Variants in AOX1 observed in about 807,000 individuals in gnomAD.
The protein encoded by AOX1 is aldehyde oxidase.
In AOX1, 153 loss-of-function variants were observed where a neutral mutation model predicts 169.5. That is an observed-to-expected ratio of 0.90 (90% CI 0.79 to 1.03). The LOEUF (loss-of-function observed/expected upper bound fraction) is 1.03. AOX1 is among the 50% of genes least tolerant of loss of function. AOX1 has a pLI of 0.00. For missense variants in AOX1, 1,656 were observed against 1,663.9 expected (o/e 1.00, Z 0.08); for synonymous variants, 562 against 581.9 (o/e 0.97, Z 0.49).
intron 18 of AOX1, among the ~76,000 whole-genome samples, chr2:200,622,857 G>A (rs1574930536): frequency 6.6e-6 from 1 of 152,198 alleles, no homozygotes; most frequent in African/African-American, 2.4e-5. Context: ...TGTAGAAATT[G>A]TAAGCATACA....
rs142194642 is a variant in AOX1 at position 200,627,415 on chromosome 2, C to G, written c.2187C>G (p.Asp729Glu). 1 of 1,613,528 alleles carries G rather than the reference C, an allele frequency of 6.2e-7. No homozygotes were observed. Among genetic ancestry groups the G allele is most frequent in the East Asian group, 2.2e-5 (1 of 44,878 alleles). ...GGAAACTGGAATATGGAAATGTTGACGAAGCATTTAAAGTGGTTGATCAAA... is the reference window on the plus strand; with the variant it reads ...GGAAACTGGAATATGGAAATGTTGAGGAAGCATTTAAAGTGGTTGATCAAA... Reference protein sequence around the residue: ...PERKLEYGNVDEAFKVVDQIL... With the variant: ...PERKLEYGNVEEAFKVVDQIL... The change falls in exon 20 of 35, where the codon GAC becomes GAG. Residue 729 changes from aspartate (D) to glutamate (E), a missense_variant. Transcript: ENST00000374700.
rs748141751 is a variant in AOX1 at position 200,617,936 on chromosome 2, T to C, written c.1704+1873T>C. Among the ~76,000 whole-genome samples, 67 of 152,126 alleles carry C rather than the reference T, an allele frequency of 4.4e-4. 1 individual carries two copies. The highest frequency in any genetic ancestry group is 4.8e-5 in the African/African-American group (2 of 41,436). The stretch of plus-strand genomic sequence containing the variant: ...CCTCATTGTTGGTTTTTCCTTTTCA[T>C]CACTATCTCAGCTCCTCGAAGCAGA... On this transcript the variant is annotated intron_variant, in intron 16 of 34. Transcript: ENST00000374700.
Position 200,599,765 on chromosome 2 carries a change from CTTTTAT to C in AOX1, c.436+24_436+29del. On this transcript the variant is annotated intron_variant, in intron 5 of 34. Transcript: ENST00000374700. ...CTTGGTGGTAGGTTATATATGCATG[CTTTTAT>C]TTTTTAATTTTTATTTATTTATTTA... 1.4e-6 allele frequency: 2 copies of C among 1,456,684 alleles called. No individual in the cohort carries two copies. The highest frequency in any genetic ancestry group is 5.1e-5 in the East Asian group (2 of 38,952). 90.2% of individuals were successfully genotyped at this position (1,456,684 alleles called of 1,614,324 possible).
intron 1 of AOX1, among the ~76,000 whole-genome samples, chr2:200,588,680 C>G (rs2034090778): frequency 7.5e-6 from 1 of 134,044 alleles, no homozygotes; most frequent in African/African-American, 2.8e-5. Context: ...TGCTTCGGTA[C>G]TTAATAAACA....
chr2:200,638,406 G>A (rs2035285008), intron 23 of AOX1, 104 bp downstream of exon 23: 1 of 974,974 alleles, frequency 1.0e-6, no homozygotes, highest in Admixed American at 2.0e-5. Context: ...GTAACAATGA[G>A]CAAATCAAAA....
Position 200,599,712 on chromosome 2 carries a change from G to A in AOX1, c.402G>A (p.Glu134=), listed in dbSNP as rs1559232049. 1.2e-6 allele frequency: 2 copies of A among 1,609,910 alleles called. No individual in the cohort carries two copies. Among genetic ancestry groups the A allele is most frequent in the South Asian group, 1.1e-5 (1 of 90,668 alleles). The stretch of plus-strand genomic sequence containing the variant: ...ACACGCTGCTCAGGAACCACCCAGA[G>A]CCCACTCTGGATCAGTTAACTGATG... ...SIYTLLRNHP[E]PTLDQLTDAL... Residue 134 remains glutamate (E), a synonymous_variant, in exon 5 of 35, where the codon GAG becomes GAA. Coordinates refer to ENST00000374700, the MANE Select transcript of AOX1 (RefSeq NM_001159.4).
At chr2:200,618,005 G>A (rs762715643) in intron 16 of AOX1, among the ~76,000 whole-genome samples, 3 of 152,160 alleles carry the variant, frequency 2.0e-5, no homozygotes, top group Non-Finnish European at 4.4e-5. Context: ...CATGGGGACA[G>A]GGCAGTGTGA....
chr2:200,676,966 G>A (rs558974095), exon 5 of AOX1: 8 of 469,904 alleles, frequency 1.7e-5, no homozygotes, highest in South Asian at 7.8e-5. Flanking sequence ...GTGGCATAAT[G>A]TCACATTCCA....
intron 1 of AOX1, among the ~76,000 whole-genome samples, chr2:200,592,184 T>C (rs1331249464): frequency 6.6e-6 from 1 of 152,086 alleles, no homozygotes; most frequent in Non-Finnish European, 1.5e-5. Context: ...CAGACACACA[T>C]GCACCAATCT....
chr2:200,644,274 A>C (rs1319162016), intron 25 of AOX1, among the ~76,000 whole-genome samples: 3 of 152,184 alleles, frequency 2.0e-5, no homozygotes, highest in Non-Finnish European at 2.9e-5. Context: ...TTTCATTCTC[A>C]TTACATGTGG....
intron 25 of AOX1, among the ~76,000 whole-genome samples, chr2:200,649,956 A>G (rs907106450): frequency 6.6e-6 from 1 of 152,140 alleles, no homozygotes; most frequent in African/African-American, 2.4e-5. Flanking sequence ...CAGTCCTTGG[A>G]CCTTCAGCGG....
At chr2:200,604,124 C>G (rs1241610199) in intron 8 of AOX1, 27 bp downstream of exon 8, 1 of 1,499,604 alleles carries the variant, frequency 6.7e-7, no homozygotes, top group Non-Finnish European at 9.3e-7. Context: ...TGAGCTCATC[C>G]TAGAAGAATT....
chr2:200,681,370 T>C (rs2036151278), downstream of AOX1: 1 of 152,694 alleles, frequency 6.5e-6, no homozygotes, highest in South Asian at 2.1e-4. Flanking sequence ...TACGAAGGAA[T>C]TGCTAAAGCC....
chr2:200,605,689 C>A, intron 10 of AOX1, 61 bp downstream of exon 10: 1 of 740,300 alleles, frequency 1.4e-6, no homozygotes, highest in Non-Finnish European at 2.1e-6. Context: ...TTTACCTTGC[C>A]CAGCAGACAA....
chr2:200,652,958 T>C (rs565809634), intron 26 of AOX1, among the ~76,000 whole-genome samples: 1 of 152,282 alleles, frequency 6.6e-6, no homozygotes, highest in African/African-American at 2.4e-5. Flanking sequence ...TTGTAAGTAC[T>C]TTTAGGTATT....
chr2:200,592,059 G>C (rs779317895), intron 1 of AOX1, among the ~76,000 whole-genome samples: 32 of 152,120 alleles, frequency 2.1e-4, no homozygotes, highest in Non-Finnish European at 4.0e-4. Flanking sequence ...GGAAAAGAAG[G>C]GAAGGAGTAA....
At chr2:200,630,417 G>T (rs959746815) in intron 20 of AOX1, among the ~76,000 whole-genome samples, 1 of 151,822 alleles carries the variant, frequency 6.6e-6, no homozygotes, top group Non-Finnish European at 1.5e-5. Flanking sequence ...CAGCTACTCG[G>T]AAGGCTGAGG....
At position 200,586,075 on chromosome 2, in the gene AOX1, C is replaced by A. The variant is rs947092611; in HGVS notation, c.-34C>A. 2 of 1,548,734 alleles carry A rather than the reference C, an allele frequency of 1.3e-6. No individual in the cohort carries two copies. The highest frequency in any genetic ancestry group is 2.4e-5 in the East Asian group (1 of 40,980). Reference sequence around the variant, plus strand: ...GCTACTTCCCAGAACCTCCGCCTCCCGCTCCGGGCCCTCGAACCAGCGCGG... The same window carrying A: ...GCTACTTCCCAGAACCTCCGCCTCCAGCTCCGGGCCCTCGAACCAGCGCGG... On this transcript the variant is annotated 5_prime_UTR_variant, in exon 1 of 35. Transcript: ENST00000374700.
chr2:200,647,162 G>A (rs1473290261), intron 25 of AOX1, among the ~76,000 whole-genome samples: 3 of 151,998 alleles, frequency 2.0e-5, no homozygotes, highest in African/African-American at 7.3e-5. Context: ...TTTTTAACAT[G>A]TATTTATGTT....
Sources: gnomAD v4.1 joint callset for allele counts (sites outside exome capture counted in the v4.1 genomes callset) on GRCh38, gnomAD v4.1.1 for gene constraint, MANE v1.5 for transcripts, NCBI Gene and HGNC (gene_info 2026-07-23, HGNC 2026-07-21) for gene names.